Variants in WWP1 observed in about 807,000 individuals in gnomAD.
WWP1 encodes the protein NEDD4-like E3 ubiquitin-protein ligase WWP1.
WWP1 carries 49 observed loss-of-function variants against 130.6 expected under a neutral mutation model. That is an observed-to-expected ratio of 0.38 (90% confidence interval 0.30 to 0.48). WWP1 has a LOEUF of 0.48. Among genes scored for constraint, WWP1 ranks in the 20% least tolerant of loss-of-function variants. The pLI is 0.99. For missense variants in WWP1, 809 were observed against 1,100.6 expected, an observed-to-expected ratio of 0.74 and a Z score of 3.75; for synonymous variants, 332 against 367.8, an observed-to-expected ratio of 0.90 and a Z score of 1.11.
At chr8:86,420,831 T>TA (rs1425156054) in intron 9 of WWP1, among the ~76,000 whole-genome samples, 2 of 152,162 alleles carry the variant, frequency 1.3e-5, no homozygotes, top group Non-Finnish European at 2.9e-5. Flanking sequence ...GTAATTTTGA[T>TA]AAAAAATTAA....
chr8:86,383,993 A>AT (rs1488564083), intron 5 of WWP1, among the ~76,000 whole-genome samples: 3 of 152,120 alleles, frequency 2.0e-5, no homozygotes, highest in Non-Finnish European at 4.4e-5. Context: ...GAAGTCGGTG[A>AT]TTAAGATATC....
intron 2 of WWP1, among the ~76,000 whole-genome samples, chr8:86,372,633 C>A (rs1824387330): frequency 6.6e-6 from 1 of 152,158 alleles, no homozygotes; most frequent in Non-Finnish European, 1.5e-5. Flanking sequence ...GGTCCAGTTT[C>A]ATTTTTTTTC....
chr8:86,424,597 G>C (rs1450566493), intron 9 of WWP1, among the ~76,000 whole-genome samples: 12 of 151,750 alleles, frequency 7.9e-5, no homozygotes, highest in Non-Finnish European at 1.6e-4. Flanking sequence ...GCCGTTAGGA[G>C]CTGGAGACCA....
intron 9 of WWP1, among the ~76,000 whole-genome samples, chr8:86,416,258 CTCTT>C (rs982234374): frequency 3.9e-5 from 6 of 152,136 alleles, no homozygotes; most frequent in African/African-American, 1.2e-4. Context: ...ATGTAGAAAA[CTCTT>C]TCTGTGTGAA....
At chr8:86,424,365 C>T (rs1403887819) in intron 9 of WWP1, among the ~76,000 whole-genome samples, 1 of 151,786 alleles carries the variant, frequency 6.6e-6, no homozygotes, top group South Asian at 2.1e-4. Context: ...AGACGATGGG[C>T]GGCCAGGCAG....
At chr8:86,348,409 G>A (rs1822714097) in intron 1 of WWP1, among the ~76,000 whole-genome samples, 1 of 151,914 alleles carries the variant, frequency 6.6e-6, no homozygotes, top group Non-Finnish European at 1.5e-5. Flanking sequence ...GTAGAGACGG[G>A]GTTTCTCCAT....
chr8:86,355,901 G>T (rs1823227010), intron 1 of WWP1, among the ~76,000 whole-genome samples: 1 of 152,174 alleles, frequency 6.6e-6, no homozygotes, highest in Non-Finnish European at 1.5e-5. Context: ...TGTTTCTGCA[G>T]TGCGTATGTA....
Position 86,411,650 on chromosome 8 carries a change from A to G in WWP1, c.837A>G (p.Glu279=). ...LSPNCTSTTV[E]DPPVQEILTS... The stretch of plus-strand genomic sequence containing the variant: ...CAAATTGCACTAGTACTACTGTTGA[A>G]GATCCTCCAGTTCAAGAAATACTGA... The change falls in exon 9 of 25, where the codon GAA becomes GAG. Residue 279 remains glutamate, a synonymous_variant. Transcript: ENST00000517970. 1 of 1,614,168 alleles carries G rather than the reference A, an allele frequency of 6.2e-7. No homozygotes were observed.
intron 1 of WWP1, among the ~76,000 whole-genome samples, chr8:86,360,704 A>C (rs1002035472): frequency 1.8e-4 from 27 of 152,230 alleles, no homozygotes; most frequent in Non-Finnish European, 1.3e-4. Flanking sequence ...TAGAATGGTA[A>C]ATAAGATAGT....
intron 16 of WWP1, among the ~76,000 whole-genome samples, chr8:86,437,474 T>C (rs1196833242): frequency 6.6e-6 from 1 of 152,230 alleles, no homozygotes; most frequent in African/African-American, 2.4e-5. Flanking sequence ...TGGAAGATTT[T>C]GGTACAGTTT....
chr8:86,432,923 T>C (rs539806694), intron 14 of WWP1, among the ~76,000 whole-genome samples: 9 of 152,332 alleles, frequency 5.9e-5, no homozygotes, highest in African/African-American at 2.2e-4. Context: ...TTCATTTTTA[T>C]TGCTCCCCTT....
intron 18 of WWP1, among the ~76,000 whole-genome samples, chr8:86,446,260 G>A (rs1810872249): frequency 6.6e-6 from 1 of 152,112 alleles, no homozygotes; most frequent in Admixed American, 6.5e-5. Context: ...GGGATTACAG[G>A]CGTGAGCCAC....
intron 5 of WWP1, 131 bp downstream of exon 5, chr8:86,381,760 A>G: frequency 2.2e-6 from 2 of 914,322 alleles, no homozygotes; most frequent in Non-Finnish European, 3.0e-6. Context: ...GTGATTGATT[A>G]ACTTTGTGGC....
intron 1 of WWP1, among the ~76,000 whole-genome samples, chr8:86,362,089 T>TATATATATACACATATATACAC (rs1232457675): frequency 7.9e-6 from 1 of 127,066 alleles, no homozygotes; most frequent in Non-Finnish European, 1.6e-5. Context: ...TATACACACA[T>TATATATATACACATATATACAC]ATATATATAC....
intron 5 of WWP1, among the ~76,000 whole-genome samples, chr8:86,382,031 G>A (rs1004530319): frequency 1.1e-4 from 16 of 151,784 alleles, no homozygotes; most frequent in Admixed American, 2.0e-4. Flanking sequence ...TTAGTTTATT[G>A]TAAAAAACAT....
chr8:86,352,869 G>T (rs1823021380), intron 1 of WWP1, among the ~76,000 whole-genome samples: 1 of 152,188 alleles, frequency 6.6e-6, no homozygotes, highest in Non-Finnish European at 1.5e-5. Flanking sequence ...AGGCTTCCTT[G>T]TTCAAAACAT....
rs546488670 is a variant in WWP1 at position 86,445,558 on chromosome 8, T to C, written c.1999-2590T>C. Among the ~76,000 whole-genome samples the C allele has an allele frequency of 1.1e-4, 16 of 152,334 alleles. No homozygotes were observed. The South Asian group carries it at 3.1e-3, about 30-fold the overall frequency. The stretch of plus-strand genomic sequence containing the variant: ...ATTTCATGGTGCTTACAGTCCACCA[T>C]TGATGGGCACCTGGATTTATTCTAG... On this transcript the variant is annotated intron_variant, in intron 18 of 24. Transcript: ENST00000517970.
At chr8:86,452,747 C>T in intron 21 of WWP1, 68 bp downstream of exon 21, 1 of 1,568,814 alleles carries the variant, frequency 6.4e-7, no homozygotes, top group Non-Finnish European at 8.7e-7. Flanking sequence ...AGTGCTTTTA[C>T]AGAACAGTGT....
In WWP1 at chr8:86,380,233, T is replaced by G. The variant is rs567474233; in HGVS notation, c.71-493T>G. 5.9e-5 allele frequency among the ~76,000 whole-genome samples: 9 copies of G among 151,826 alleles called. No homozygotes were observed. The South Asian group carries it at 1.7e-3, about 28-fold the overall frequency. On this transcript the variant is annotated intron_variant, in intron 3 of 24. Coordinates refer to ENST00000517970, the MANE Select transcript of WWP1 (RefSeq NM_007013.4). ...TGAACCTCAAAAATGTAATGCTGAG[T>G]GAAAGAAGCCAGTCACAAAAAAAAC...
Sources: allele counts gnomAD v4.1 joint callset (sites outside exome capture counted in the v4.1 genomes callset), GRCh38; gene constraint gnomAD v4.1.1; transcripts MANE v1.5; gene names NCBI Gene and HGNC (gene_info 2026-07-23, HGNC 2026-07-21).